Variants in SCHIP1 observed in about 807,000 individuals in gnomAD.
SCHIP1 encodes the protein schwannomin-interacting protein 1.
Under a neutral mutation model 29.7 loss-of-function variants are expected in SCHIP1, and 8 were observed. The ratio of observed to expected loss-of-function variants is 0.27; its 90% CI spans 0.16 to 0.49. The LOEUF (loss-of-function observed/expected upper bound fraction) is 0.49. Among genes scored for constraint, SCHIP1 ranks in the 20% least tolerant of loss-of-function variants. SCHIP1 has a pLI of 0.99. For missense variants in SCHIP1, 193 were observed against 294.6 expected, an observed-to-expected ratio of 0.66 and a Z score of 2.52; for synonymous variants, 76 against 94.9, an observed-to-expected ratio of 0.80 and a Z score of 1.16.
the SCHIP1 span, among the ~76,000 whole-genome samples, chr3:159,557,953 G>T: frequency 6.6e-6 from 1 of 152,240 alleles, no homozygotes; most frequent in Non-Finnish European, 1.5e-5. Context: ...CAGTTCCTGG[G>T]TAAGATACGA....
the SCHIP1 span, among the ~76,000 whole-genome samples, chr3:159,431,294 G>C: frequency 1.3e-5 from 2 of 152,022 alleles, no homozygotes; most frequent in African/African-American, 2.4e-5. Flanking sequence ...GTGTGTGGGA[G>C]GGTGTGGTGG....
intron 4 of SCHIP1, 97 bp from the exon 6 acceptor site, chr3:159,888,723 G>A (rs368901240): frequency 1.3e-6 from 2 of 1,525,158 alleles, no homozygotes; most frequent in African/African-American, 1.4e-5. Flanking sequence ...ATTGCAGTGG[G>A]TGGGTGAGTG....
chr3:159,877,661 T>C (rs1284949686), intron 2 of SCHIP1, among the ~76,000 whole-genome samples: 1 of 152,220 alleles, frequency 6.6e-6, no homozygotes, highest in Non-Finnish European at 1.5e-5. Flanking sequence ...ACACAGGCAC[T>C]GACTCTCCGC....
the SCHIP1 span, among the ~76,000 whole-genome samples, chr3:159,670,988 T>C: frequency 2.6e-5 from 4 of 152,122 alleles, no homozygotes; most frequent in Non-Finnish European, 4.4e-5. Flanking sequence ...GATTTCAAGA[T>C]AGCAACAGAG....
At chr3:159,519,541 A>G in the SCHIP1 span, among the ~76,000 whole-genome samples, 16 of 152,298 alleles carry the variant, frequency 1.1e-4, no homozygotes, top group South Asian at 3.3e-3. Flanking sequence ...AAACTGCTGC[A>G]CTCATTTCCA....
the SCHIP1 span, among the ~76,000 whole-genome samples, chr3:159,716,275 G>T: frequency 1.3e-5 from 2 of 152,100 alleles, no homozygotes; most frequent in African/African-American, 4.8e-5. Flanking sequence ...AGGAACAACT[G>T]GTATCAGCCA....
chr3:159,373,203 CTTT>C, the SCHIP1 span, among the ~76,000 whole-genome samples: 1 of 151,462 alleles, frequency 6.6e-6, no homozygotes, highest in Non-Finnish European at 1.5e-5. Context: ...CCTCTACATA[CTTT>C]TATTATAAAT....
chr3:159,598,167 C>A, the SCHIP1 span, among the ~76,000 whole-genome samples: 1 of 152,142 alleles, frequency 6.6e-6, no homozygotes, highest in African/African-American at 2.4e-5. Flanking sequence ...TGGGTGGGGA[C>A]ACAGAGTCAA....
At chr3:159,495,234 C>A in the SCHIP1 span, among the ~76,000 whole-genome samples, 3 of 152,144 alleles carry the variant, frequency 2.0e-5, no homozygotes, top group East Asian at 1.9e-4. Flanking sequence ...CCTATTCAAC[C>A]TAGTGCTGGA....
chr3:159,721,847 G>T, the SCHIP1 span: 1 of 401,828 alleles, frequency 2.5e-6, no homozygotes. Flanking sequence ...CATTGATGCT[G>T]AGGTCCACCT....
the SCHIP1 span, among the ~76,000 whole-genome samples, chr3:159,728,158 A>G: frequency 6.6e-6 from 1 of 152,146 alleles, no homozygotes; most frequent in Non-Finnish European, 1.5e-5. Flanking sequence ...GACAGACCAT[A>G]TGCCAGTGGG....
the SCHIP1 span, among the ~76,000 whole-genome samples, chr3:159,704,888 C>CTTTCTTTCTTTA: frequency 2.6e-5 from 2 of 76,992 alleles, no homozygotes; most frequent in Non-Finnish European, 2.2e-5. Flanking sequence ...TTCTTTCTTT[C>CTTTCTTTCTTTA]TTTCTTTCTT....
At chr3:159,387,159 G>A in the SCHIP1 span, 1 of 183,726 alleles carries the variant, frequency 5.4e-6, no homozygotes, top group Non-Finnish European at 1.1e-5. Context: ...AGCTTGGCCA[G>A]GGTGATGGAC....
intron 1 of SCHIP1, among the ~76,000 whole-genome samples, chr3:159,844,616 G>A (rs1187720004): frequency 1.3e-5 from 2 of 152,204 alleles, no homozygotes; most frequent in Non-Finnish European, 2.9e-5. Context: ...AGGCCTGGCA[G>A]CCTTCAAGAG....
the SCHIP1 span, among the ~76,000 whole-genome samples, chr3:159,791,314 CAGAA>C: frequency 2.6e-5 from 4 of 152,168 alleles, no homozygotes; most frequent in Non-Finnish European, 5.9e-5. Context: ...AAAAAAAACA[CAGAA>C]AGAGCAAAAT....
chr3:159,473,770 C>A, the SCHIP1 span, among the ~76,000 whole-genome samples: 1 of 150,486 alleles, frequency 6.6e-6, no homozygotes, highest in African/African-American at 2.4e-5. Flanking sequence ...ATGGACAAAG[C>A]ATCTAGATTT....
At chr3:159,542,656 G>A in the SCHIP1 span, among the ~76,000 whole-genome samples, 1 of 151,960 alleles carries the variant, frequency 6.6e-6, no homozygotes, top group African/African-American at 2.4e-5. Flanking sequence ...GTGATAACAG[G>A]AATCCTGCCA....
the SCHIP1 span, among the ~76,000 whole-genome samples, chr3:159,821,446 C>T: frequency 6.6e-6 from 1 of 152,188 alleles, no homozygotes; most frequent in Admixed American, 6.5e-5. Flanking sequence ...CCCTTATCCA[C>T]CGAGGCACAT....
the SCHIP1 span, among the ~76,000 whole-genome samples, chr3:159,818,828 A>T: frequency 2.6e-5 from 4 of 152,324 alleles, no homozygotes; most frequent in Non-Finnish European, 5.9e-5. Flanking sequence ...AGATTAACAA[A>T]ATTATATATT....
Sources: gnomAD v4.1 joint callset for allele counts (sites outside exome capture counted in the v4.1 genomes callset) on GRCh38, gnomAD v4.1.1 for gene constraint, MANE v1.5 for transcripts, NCBI Gene and HGNC (gene_info 2026-07-23, HGNC 2026-07-21) for gene names.